CBL: variants seen among roughly 807,000 people sequenced by gnomAD.
CBL encodes E3 ubiquitin-protein ligase CBL.
CBL carries 45 observed loss-of-function variants against 96.9 expected under a neutral mutation model. That is an observed-to-expected ratio of 0.46 (90% CI 0.37 to 0.60). The LOEUF (loss-of-function observed/expected upper bound fraction) is 0.60. Among genes scored for constraint, CBL ranks in the 20% least tolerant of loss-of-function variants. The probability of loss-of-function intolerance (pLI) is 0.00; values close to 1 mark genes in which losing one functional copy is unlikely to be tolerated. For missense variants in CBL, 1,024 were observed against 1,143.5 expected, an observed-to-expected ratio of 0.90 and a Z score of 1.51; for synonymous variants, 420 against 426.8, an observed-to-expected ratio of 0.98 and a Z score of 0.20.
intron 2 of CBL, among the ~76,000 whole-genome samples, chr11:119,266,895 G>A (rs577967272): frequency 6.6e-6 from 1 of 152,194 alleles, no homozygotes; most frequent in African/African-American, 2.4e-5. Context: ...ACAAAAAGTT[G>A]AACAGTTGTG....
At position 119,299,395 on chromosome 11, in the gene CBL, C is replaced by G. The variant is rs1466950142; in HGVS notation, c.2435-100C>G. ...CTGAAGAGCACATGTACCCAGTTTACAGGAAGTCAGTAATATCTTGATATT... is the reference window on the plus strand; with the variant it reads ...CTGAAGAGCACATGTACCCAGTTTAGAGGAAGTCAGTAATATCTTGATATT... On this transcript the variant is annotated intron_variant, in intron 15 of 15. Coordinates refer to ENST00000264033, the MANE Select transcript of CBL (RefSeq NM_005188.4). 4.5e-6 allele frequency: 5 copies of G among 1,120,958 alleles called. No homozygotes were observed. In the Admixed American group the frequency reaches 7.5e-5, roughly 17 times the overall value. 69.4% of individuals were successfully genotyped at this position (1,120,958 alleles called of 1,614,324 possible). A position where few individuals can be genotyped will look rare whatever the true frequency, so the allele number is the denominator to read the frequency against.
Position 119,284,162 on chromosome 11 carries a change from C to T in CBL, c.1432-807C>T, listed in dbSNP as rs548644327. Among the ~76,000 whole-genome samples the T allele has an allele frequency of 7.7e-4, 117 of 152,160 alleles. 1 individual carries two copies. The highest frequency in any genetic ancestry group is 2.7e-3 in the African/African-American group (113 of 41,530). On this transcript the variant is annotated intron_variant, in intron 9 of 15. Transcript: ENST00000264033. Reference sequence around the variant, plus strand: ...ACAGGTGTGAGCCACTGTACCGACTCTCATCTTCTTTCTTACCTTAATAAC... The same window carrying T: ...ACAGGTGTGAGCCACTGTACCGACTTTCATCTTCTTTCTTACCTTAATAAC...
At chr11:119,253,213 A>G (rs1017791532) in intron 2 of CBL, among the ~76,000 whole-genome samples, 2 of 152,130 alleles carry the variant, frequency 1.3e-5, no homozygotes, top group Non-Finnish European at 2.9e-5. Flanking sequence ...ATGAATATAG[A>G]CAATTATTTG....
chr11:119,261,265 C>T (rs1949751810), intron 2 of CBL, among the ~76,000 whole-genome samples: 1 of 152,086 alleles, frequency 6.6e-6, no homozygotes, highest in South Asian at 2.1e-4. Flanking sequence ...AGTTTTTGTC[C>T]CTTTTAATAG....
intron 2 of CBL, among the ~76,000 whole-genome samples, chr11:119,265,958 T>A (rs1285203975): frequency 7.4e-6 from 1 of 135,998 alleles, no homozygotes; most frequent in Non-Finnish European, 1.5e-5. Context: ...GGAGAGAGGG[T>A]GCAGTGAGCC....
At chr11:119,279,408 G>A (rs1252421799) in intron 9 of CBL, among the ~76,000 whole-genome samples, 1 of 151,974 alleles carries the variant, frequency 6.6e-6, no homozygotes, top group Non-Finnish European at 1.5e-5. Flanking sequence ...CTACTCTGGA[G>A]GCCAAGGCTG....
At position 119,285,071 on chromosome 11, in the gene CBL, A is replaced by G. The variant is rs1427688105; in HGVS notation, c.1534A>G (p.Ser512Gly). ...LLPQRVCVPS[S>G]ASALGTASKA... ...GCCGCAGCGAGTATGTGTTCCCTCA[A>G]GTGCTTCTGCTCTTGGAACTGCTTC... Residue 512 changes from serine to glycine, a missense_variant, in exon 10 of 16, where the codon AGT becomes GGT. By Grantham distance (56) the Ser-to-Gly change is moderately conservative. Transcript: ENST00000264033. 1.2e-6 allele frequency: 2 copies of G among 1,614,070 alleles called. No homozygotes were observed. The highest frequency in any genetic ancestry group is 1.1e-5 in the South Asian group (1 of 91,078).
chr11:119,244,612 C>T (rs900246276), intron 2 of CBL, among the ~76,000 whole-genome samples: 1 of 81,990 alleles, frequency 1.2e-5, no homozygotes, highest in Non-Finnish European at 2.4e-5. Context: ...GACGGAGTCT[C>T]GCTCTGTCGC....
intron 2 of CBL, among the ~76,000 whole-genome samples, chr11:119,244,238 C>T (rs1227558228): frequency 6.6e-6 from 1 of 152,138 alleles, no homozygotes; most frequent in Non-Finnish European, 1.5e-5. Flanking sequence ...TGAAAAGTCA[C>T]AGTTAGTTCT....
intron 2 of CBL, among the ~76,000 whole-genome samples, chr11:119,241,030 C>A (rs1360364162): frequency 1.3e-5 from 2 of 152,076 alleles, no homozygotes; most frequent in Admixed American, 6.6e-5. Flanking sequence ...GAGATTGTGC[C>A]ACTGCACTCT....
intron 14 of CBL, 136 bp from the exon 15 acceptor site, chr11:119,298,221 GC>G (rs2135320753): frequency 1.3e-6 from 1 of 791,158 alleles, no homozygotes; most frequent in Non-Finnish European, 2.2e-6. Flanking sequence ...ATGGTGTTTG[GC>G]CCACAGTAGA....
At chr11:119,243,070 G>A (rs570363152) in intron 2 of CBL, among the ~76,000 whole-genome samples, 17 of 152,196 alleles carry the variant, frequency 1.1e-4, no homozygotes, top group African/African-American at 3.9e-4. Context: ...CTGAGGTCAG[G>A]AGTTTGAGAA....
At chr11:119,214,719 G>T (rs537750902) in intron 1 of CBL, among the ~76,000 whole-genome samples, 2 of 152,062 alleles carry the variant, frequency 1.3e-5, no homozygotes, top group South Asian at 4.2e-4. Flanking sequence ...AATTTATGTT[G>T]TCCACTTCAT....
chr11:119,297,183 C>G (rs1950069491), intron 13 of CBL, 149 bp downstream of exon 13: 2 of 757,062 alleles, frequency 2.6e-6, no homozygotes, highest in Non-Finnish European at 4.8e-6. Flanking sequence ...ATGGTTTAAG[C>G]CTTTTGTAGC....
chr11:119,222,386 A>G (rs1242818642), intron 1 of CBL, among the ~76,000 whole-genome samples: 1 of 152,174 alleles, frequency 6.6e-6, no homozygotes, highest in Admixed American at 6.6e-5. Flanking sequence ...TTTTCTATTG[A>G]CCATTGAGTC....
chr11:119,270,436 A>ATTT lies in CBL; in HGVS notation c.444-1273_444-1271dup, dbSNP rs869150071. On this transcript the variant is annotated intron_variant, in intron 2 of 15. Coordinates refer to ENST00000264033, the MANE Select transcript of CBL (RefSeq NM_005188.4). ...AATTTTTATATATATATATATATAT[A>ATTT]TTTTTTTTTTTTTTTTTTTTTTTTT... Among the ~76,000 whole-genome samples the ATTT allele has an allele frequency of 2.5e-3, 97 of 38,662 alleles. 11 individuals are homozygous for ATTT. Among genetic ancestry groups the ATTT allele is most frequent in the Non-Finnish European group, 3.5e-3 (80 of 23,036 alleles). 25.4% of individuals were successfully genotyped at this position (38,662 alleles called of 152,430 possible).
intron 1 of CBL, among the ~76,000 whole-genome samples, chr11:119,218,947 A>G (rs1309193365): frequency 1.3e-5 from 2 of 152,188 alleles, no homozygotes; most frequent in Non-Finnish European, 2.9e-5. Context: ...TCTGGGCTCA[A>G]TGGCTCATGC....
chr11:119,284,893 T>C (rs1384614311), intron 9 of CBL, 76 bp from the exon 10 acceptor site: 3 of 1,564,160 alleles, frequency 1.9e-6, no homozygotes, highest in Admixed American at 3.3e-5. Flanking sequence ...GTATTTGCCA[T>C]CCACAGCTTT....
At chr11:119,240,066 C>A (rs958039319) in intron 2 of CBL, among the ~76,000 whole-genome samples, 1 of 151,924 alleles carries the variant, frequency 6.6e-6, no homozygotes, top group South Asian at 2.1e-4. Flanking sequence ...CTGAGGTGGG[C>A]AGATCACTTG....
Sources: gnomAD v4.1 joint callset for allele counts (sites outside exome capture counted in the v4.1 genomes callset) on GRCh38, gnomAD v4.1.1 for gene constraint, MANE v1.5 for transcripts, NCBI Gene and HGNC (gene_info 2026-07-23, HGNC 2026-07-21) for gene names.